OTUD7A: variants seen among roughly 807,000 people sequenced by gnomAD.
The protein encoded by OTUD7A is OTU domain-containing protein 7A.
Under a neutral mutation model 65.7 loss-of-function variants are expected in OTUD7A, and 12 were observed. The observed-to-expected ratio is 0.18, with a 90% CI of 0.12 to 0.30. The LOEUF (loss-of-function observed/expected upper bound fraction) is 0.30, where lower values mean the gene tolerates loss of function less well. Among genes scored for constraint, OTUD7A ranks in the 10% least tolerant of loss-of-function variants. The pLI, the probability that OTUD7A is intolerant of heterozygous loss-of-function variation, is 1.00. For synonymous variants in OTUD7A, 641 were observed against 586.3 expected, an observed-to-expected ratio of 1.09 and a Z score of -1.35; for missense variants, 1,148 against 1,304.8, an observed-to-expected ratio of 0.88 and a Z score of 1.85.
chr15:31,838,133 A>G (rs1897099685), intron 1 of OTUD7A, among the ~76,000 whole-genome samples: 1 of 152,258 alleles, frequency 6.6e-6, no homozygotes, highest in South Asian at 2.1e-4. Context: ...AAAATGGATC[A>G]CAGCTTTACA....
intron 1 of OTUD7A, among the ~76,000 whole-genome samples, chr15:31,758,065 C>T (rs1180223989): frequency 3.3e-5 from 5 of 152,084 alleles, no homozygotes; most frequent in East Asian, 1.9e-4. Flanking sequence ...AATCCTAAAA[C>T]GTAGGTTTTC....
At chr15:31,492,104 T>TCC (rs1186599314) in intron 10 of OTUD7A, among the ~76,000 whole-genome samples, 1 of 152,238 alleles carries the variant, frequency 6.6e-6, no homozygotes, top group Non-Finnish European at 1.5e-5. Context: ...TTTTTTCTTC[T>TCC]TTTTAATTGC....
intron 1 of OTUD7A, among the ~76,000 whole-genome samples, chr15:31,800,900 C>G (rs907353386): frequency 2.6e-5 from 4 of 152,140 alleles, no homozygotes. Flanking sequence ...TTTCCTGCAG[C>G]CCCTGCTGTG....
chr15:31,505,941 T>G (rs761434946), intron 8 of OTUD7A, among the ~76,000 whole-genome samples: 3 of 151,906 alleles, frequency 2.0e-5, no homozygotes, highest in African/African-American at 2.4e-5. Flanking sequence ...AGTAGAGACG[T>G]GTTAGCCAGG....
chr15:31,625,373 ACAC>A (rs1890920956), intron 3 of OTUD7A, among the ~76,000 whole-genome samples: 2 of 152,038 alleles, frequency 1.3e-5, no homozygotes, highest in African/African-American at 4.8e-5. Context: ...GATGACTAGT[ACAC>A]CACAATATCA....
intron 3 of OTUD7A, among the ~76,000 whole-genome samples, chr15:31,606,132 C>T (rs925577399): frequency 3.9e-5 from 6 of 152,238 alleles, no homozygotes; most frequent in African/African-American, 1.4e-4. Flanking sequence ...ATCATAGTTG[C>T]TCTTTGCTTG....
At chr15:31,628,395 A>T (rs1187031340) in intron 3 of OTUD7A, among the ~76,000 whole-genome samples, 1 of 152,158 alleles carries the variant, frequency 6.6e-6, no homozygotes, top group Non-Finnish European at 1.5e-5. Flanking sequence ...CGAAGATCAG[A>T]TGGTTGTAGA....
intron 3 of OTUD7A, among the ~76,000 whole-genome samples, chr15:31,618,754 T>G (rs1890676589): frequency 6.6e-6 from 1 of 152,258 alleles, no homozygotes; most frequent in African/African-American, 2.4e-5. Context: ...TAGTTTCTTT[T>G]GCTGTGCAGA....
intron 1 of OTUD7A, among the ~76,000 whole-genome samples, chr15:31,864,156 T>C (rs1233428243): frequency 6.6e-6 from 1 of 152,234 alleles, no homozygotes; most frequent in Non-Finnish European, 1.5e-5. Context: ...GTCAGCATTT[T>C]TGTCAAAGCC....
intron 1 of OTUD7A, among the ~76,000 whole-genome samples, chr15:31,762,755 AAAAC>A (rs1368228810): frequency 6.6e-6 from 1 of 152,226 alleles, no homozygotes; most frequent in Non-Finnish European, 1.5e-5. Context: ...ATTGCCTGAT[AAAAC>A]AAACAAAATC....
chr15:31,828,491 T>C (rs1249703922), intron 1 of OTUD7A, among the ~76,000 whole-genome samples: 4 of 152,208 alleles, frequency 2.6e-5, no homozygotes, highest in Non-Finnish European at 5.9e-5. Context: ...TCATAGTATA[T>C]TGTACAGTAG....
At chr15:31,815,154 T>G (rs1352089985) in intron 1 of OTUD7A, among the ~76,000 whole-genome samples, 1 of 152,268 alleles carries the variant, frequency 6.6e-6, no homozygotes, top group Non-Finnish European at 1.5e-5. Context: ...TGTATCTAAA[T>G]CTGCAATTGC....
Position 31,558,697 on chromosome 15 carries a change from A to C in OTUD7A, c.550+272T>G, listed in dbSNP as rs1566919390. 1.1e-5 allele frequency: 6 copies of C among 528,580 alleles called. No individual in the cohort carries two copies. The South Asian group carries it at 1.7e-4, about 15-fold the overall frequency. 32.7% of individuals were successfully genotyped at this position (528,580 alleles called of 1,614,324 possible). On this transcript the variant is annotated intron_variant, in intron 5 of 12. Transcript: ENST00000307050. ...AGAGAAGCAAGGCAAAGAAGCATAG[A>C]GTTCTCCTTAAAGGAGGACTGGGAT...
chr15:31,586,586 G>T (rs965401485), intron 3 of OTUD7A, among the ~76,000 whole-genome samples: 3 of 152,126 alleles, frequency 2.0e-5, no homozygotes, highest in Admixed American at 2.0e-4. Flanking sequence ...ATGTTAAGGA[G>T]AGATGGTTGA....
chr15:31,617,043 C>G (rs1179645618), intron 3 of OTUD7A, among the ~76,000 whole-genome samples: 1 of 152,014 alleles, frequency 6.6e-6, no homozygotes, highest in Non-Finnish European at 1.5e-5. Context: ...ACAACAAGAC[C>G]AAGAAAAGAA....
intron 3 of OTUD7A, among the ~76,000 whole-genome samples, chr15:31,581,709 C>T (rs1253174720): frequency 6.6e-6 from 1 of 152,230 alleles, no homozygotes; most frequent in Non-Finnish European, 1.5e-5. Flanking sequence ...AGCAGCAAGG[C>T]CCTGGGCCTG....
Position 31,484,258 on chromosome 15 carries a change from C to G in OTUD7A, c.1838G>C (p.Gly613Ala). ...GTACTTCCAGGCGTCGCCCCGCGGC[C>G]CACCGCCCTTCTCCGCCGGCGACGC... The part of the protein sequence containing the change: ...AGASPAEKGG[G>A]PRGDAWKYST... The change falls in exon 13 of 13, where the codon GGG (glycine) becomes GCG (alanine). Residue 613 changes from glycine (G) to alanine (A), a missense_variant. By Grantham distance (60) the Gly-to-Ala change is moderately conservative (BLOSUM62 0). Transcript: ENST00000307050. This position sits in a 1 kb window ranked among gnomAD's most constrained non-coding sequence, Gnocchi z 4.5. The G allele has an allele frequency of 1.3e-6, 2 of 1,596,788 alleles. No homozygotes were observed. Among genetic ancestry groups the G allele is most frequent in the Non-Finnish European group, 1.7e-6 (2 of 1,174,570 alleles).
rs114426865 is a variant in OTUD7A at position 31,865,348 on chromosome 15, T to G, written c.-100+5159A>C. On this transcript the variant is annotated intron_variant, in intron 1 of 12. Transcript: ENST00000307050. ...ATTGTGAGGAAATGGGCTGCAACCA[T>G]GGTATGGTTTTTAGACCCCCAAGAT... 8.0e-3 allele frequency among the ~76,000 whole-genome samples: 1,217 copies of G among 152,198 alleles called. 18 individuals carry two copies. The highest frequency in any genetic ancestry group is 0.028 in the African/African-American group (1,170 of 41,500).
At chr15:31,579,409 G>A (rs964145405) in intron 3 of OTUD7A, among the ~76,000 whole-genome samples, 1 of 152,138 alleles carries the variant, frequency 6.6e-6, no homozygotes, top group Admixed American at 6.6e-5. Flanking sequence ...TAAAAGAAGG[G>A]TTACTTGAAC....
Sources: allele counts gnomAD v4.1 joint callset (sites outside exome capture counted in the v4.1 genomes callset), GRCh38; gene constraint gnomAD v4.1.1; non-coding constraint Gnocchi (gnomAD v3.1); transcripts MANE v1.5; gene names NCBI Gene and HGNC (gene_info 2026-07-23, HGNC 2026-07-21).